The following ENTREP2 variants were observed in gnomAD, a reference collection of about 807,000 sequenced individuals.
The protein encoded by ENTREP2 is endosomal transmembrane epsin interactor 2, also known as protein ENTREP2.
chr15:29,274,808 G>A, the ENTREP2 span, among the ~76,000 whole-genome samples: 72 of 152,286 alleles, frequency 4.7e-4, no homozygotes, highest in Middle Eastern at 0.01. Context: ...AAGTTTTACA[G>A]GACACAGGAG....
chr15:29,522,859 G>A, the ENTREP2 span, among the ~76,000 whole-genome samples: 3 of 152,176 alleles, frequency 2.0e-5, no homozygotes, highest in Admixed American at 6.5e-5. Flanking sequence ...ACAGTTGAAG[G>A]TGATCATTAA....
At chr15:29,133,333 C>A in the ENTREP2 span, among the ~76,000 whole-genome samples, 1 of 152,186 alleles carries the variant, frequency 6.6e-6, no homozygotes, top group Non-Finnish European at 1.5e-5. Flanking sequence ...GGCTTTTATA[C>A]CCCCAACTTC....
the ENTREP2 span, among the ~76,000 whole-genome samples, chr15:29,330,455 A>C: frequency 6.6e-6 from 1 of 152,084 alleles, no homozygotes; most frequent in East Asian, 1.9e-4. Flanking sequence ...TCTCAAAAAA[A>C]ATAAATAAAT....
the ENTREP2 span, among the ~76,000 whole-genome samples, chr15:29,482,522 A>T: frequency 6.6e-6 from 1 of 152,132 alleles, no homozygotes; most frequent in African/African-American, 2.4e-5. Context: ...AACCTCTGGC[A>T]ACCACTGTTC....
the ENTREP2 span, among the ~76,000 whole-genome samples, chr15:29,655,810 G>A: frequency 5.9e-5 from 9 of 152,244 alleles, no homozygotes; most frequent in East Asian, 9.7e-4. Flanking sequence ...TGGATCACTT[G>A]AGGCCAGGAG....
chr15:29,182,718 G>A, the ENTREP2 span, among the ~76,000 whole-genome samples: 1 of 152,024 alleles, frequency 6.6e-6, no homozygotes, highest in African/African-American at 2.4e-5. Flanking sequence ...TTGGAGGAAT[G>A]AGAATGGCCA....
chr15:29,269,608 C>G, the ENTREP2 span: 2 of 1,562,690 alleles, frequency 1.3e-6, no homozygotes, highest in South Asian at 2.4e-5. Context: ...GGCGTCTTCC[C>G]CGGCCCGCGA....
the ENTREP2 span, among the ~76,000 whole-genome samples, chr15:29,134,914 C>G: frequency 6.6e-6 from 1 of 152,150 alleles, no homozygotes; most frequent in African/African-American, 2.4e-5. Context: ...AGTCAGCAGA[C>G]AGCGAGCAGC....
the ENTREP2 span, among the ~76,000 whole-genome samples, chr15:29,579,978 G>A: frequency 2.0e-5 from 3 of 151,878 alleles, no homozygotes; most frequent in Admixed American, 2.0e-4. Flanking sequence ...CCAAAGTGCT[G>A]GGATTACAGG....
chr15:29,448,262 T>G, the ENTREP2 span, among the ~76,000 whole-genome samples: 2 of 152,182 alleles, frequency 1.3e-5, no homozygotes, highest in Non-Finnish European at 2.9e-5. Flanking sequence ...GGAGGGAGCC[T>G]CAATGGGCTC....
the ENTREP2 span, among the ~76,000 whole-genome samples, chr15:29,469,897 T>C: frequency 2.6e-5 from 4 of 152,182 alleles, no homozygotes; most frequent in South Asian, 2.1e-4. Context: ...CACCTCCATA[T>C]TTCTATCTAT....
At chr15:29,582,543 C>T in the ENTREP2 span, among the ~76,000 whole-genome samples, 6 of 152,214 alleles carry the variant, frequency 3.9e-5, no homozygotes, top group East Asian at 1.2e-3. Context: ...GAAGATCCAA[C>T]ATGTGGCTGA....
the ENTREP2 span, among the ~76,000 whole-genome samples, chr15:29,366,843 T>C: frequency 1.3e-5 from 2 of 152,228 alleles, no homozygotes; most frequent in African/African-American, 4.8e-5. Context: ...AGAACTGTAT[T>C]CCACCCCTCT....
the ENTREP2 span, among the ~76,000 whole-genome samples, chr15:29,440,605 A>G: frequency 6.6e-6 from 1 of 152,182 alleles, no homozygotes; most frequent in South Asian, 2.1e-4. Context: ...CTCAGCTGCC[A>G]TTCTGTGTGT....
At chr15:29,567,173 G>A in the ENTREP2 span, among the ~76,000 whole-genome samples, 1 of 152,030 alleles carries the variant, frequency 6.6e-6, no homozygotes, top group Non-Finnish European at 1.5e-5. Context: ...CACCTGCAGG[G>A]GGTCCTCAAA....
chr15:29,153,311 T>C, the ENTREP2 span, among the ~76,000 whole-genome samples: 1 of 152,192 alleles, frequency 6.6e-6, no homozygotes, highest in Admixed American at 6.5e-5. Flanking sequence ...AAAAATACCA[T>C]AGACCAGGTA....
the ENTREP2 span, among the ~76,000 whole-genome samples, chr15:29,279,342 T>C: frequency 2.0e-5 from 3 of 151,990 alleles, no homozygotes; most frequent in Non-Finnish European, 4.4e-5. Context: ...AGAATCAGCT[T>C]GTTTATTCCT....
chr15:29,132,065 CCA>C, the ENTREP2 span, among the ~76,000 whole-genome samples: 305 of 147,724 alleles, frequency 2.1e-3, no homozygotes, highest in Non-Finnish European at 3.6e-3. Flanking sequence ...CTGCCCCGCC[CCA>C]GAGTCAGCTC....
At chr15:29,640,786 T>G in the ENTREP2 span, among the ~76,000 whole-genome samples, 2 of 152,138 alleles carry the variant, frequency 1.3e-5, no homozygotes, top group East Asian at 3.9e-4. Context: ...CACAAAATCT[T>G]CCAAAAAATA....
Sources: allele counts gnomAD v4.1 joint callset (sites outside exome capture counted in the v4.1 genomes callset), GRCh38; gene constraint gnomAD v4.1.1; transcripts MANE v1.5; gene names NCBI Gene and HGNC (gene_info 2026-07-23, HGNC 2026-07-21).